Variants in PTAFR observed in about 807,000 individuals in gnomAD.
The protein encoded by PTAFR is platelet activating factor receptor, also known as platelet-activating factor receptor.
PTAFR carries 8 observed loss-of-function variants against 14.7 expected under a neutral mutation model. The ratio of observed to expected loss-of-function variants is 0.54; its 90% confidence interval spans 0.32 to 0.98. The LOEUF (loss-of-function observed/expected upper bound fraction) is 0.98, where lower values mean the gene tolerates loss of function less well. Among genes scored for constraint, PTAFR ranks in the 50% least tolerant of loss-of-function variants. The pLI is 0.04. For missense variants in PTAFR, 337 were observed against 451.2 expected (o/e 0.75, Z 2.29); for synonymous variants, 156 against 176.5 (o/e 0.88, Z 0.92).
chr1:28,175,805 T>G (rs1429305480), intron 1 of PTAFR, among the ~76,000 whole-genome samples: 2 of 152,156 alleles, frequency 1.3e-5, no homozygotes, highest in East Asian at 3.8e-4. Context: ...CCGACAATTC[T>G]GTGGGGGAGA....
At chr1:28,190,918 G>A (rs1034436577) in intron 1 of PTAFR, among the ~76,000 whole-genome samples, 2 of 152,036 alleles carry the variant, frequency 1.3e-5, no homozygotes, top group Admixed American at 6.6e-5. Context: ...CAAGTCCCTG[G>A]GCCTCCCTGA....
chr1:28,174,411 T>C (rs911254154), intron 1 of PTAFR, among the ~76,000 whole-genome samples: 2 of 152,074 alleles, frequency 1.3e-5, no homozygotes, highest in African/African-American at 4.8e-5. Context: ...CTCTGCTCCC[T>C]GTAAAAGGAC....
At chr1:28,169,265 A>G (rs530900473) in intron 1 of PTAFR, among the ~76,000 whole-genome samples, 2 of 151,984 alleles carry the variant, frequency 1.3e-5, no homozygotes, top group South Asian at 4.2e-4. Flanking sequence ...ATGCTAAGAG[A>G]GTAAATTTAT....
At chr1:28,180,252 C>T (rs553008592), upstream of PTAFR, among the ~76,000 whole-genome samples, 26 of 152,092 alleles carry the variant, frequency 1.7e-4, no homozygotes, top group Non-Finnish European at 3.7e-4. Context: ...TGGTGGCTCA[C>T]GCCTGTAATC....
At chr1:28,174,553 C>T (rs1646491758) in intron 1 of PTAFR, among the ~76,000 whole-genome samples, 1 of 152,174 alleles carries the variant, frequency 6.6e-6, no homozygotes, top group South Asian at 2.1e-4. Context: ...GATGGGGAAA[C>T]TGAGGCCCGG....
intron 1 of PTAFR, among the ~76,000 whole-genome samples, chr1:28,175,247 G>T (rs17162979): frequency 0.021 from 3,196 of 152,128 alleles, 112 homozygotes; most frequent in African/African-American, 0.072. Context: ...AATCTGCAAA[G>T]GAGGAAAGTG....
chr1:28,164,772 C>T (rs1646363549), intron 1 of PTAFR, among the ~76,000 whole-genome samples: 3 of 152,234 alleles, frequency 2.0e-5, no homozygotes, highest in African/African-American at 4.8e-5. Flanking sequence ...TGTCCACTCA[C>T]AGACCTGTCT....
upstream of PTAFR, chr1:28,176,961 G>A (rs1011774756): frequency 1.3e-5 from 2 of 152,516 alleles, no homozygotes; most frequent in Non-Finnish European, 2.9e-5. Context: ...AAAGAGGAGG[G>A]AGGAGAGATG....
chr1:28,152,317 T>C (rs892306112), intron 1 of PTAFR, among the ~76,000 whole-genome samples: 2 of 151,930 alleles, frequency 1.3e-5, no homozygotes, highest in African/African-American at 4.8e-5. Flanking sequence ...AATATAACTG[T>C]CTGCCCAGGC....
rs1463860219 is a variant in PTAFR at position 28,192,579 on chromosome 1, GATA to G, written c.-39+1140_-39+1142del. On this transcript the variant is annotated intron_variant, in intron 1 of 1. Transcript: ENST00000305392. ...GTCTCAAAAAAAAAAAAAAAAAAAAGATAATGTTTGTAAAAGCCTTGGTGTTTG... is the reference window on the plus strand; with the variant it reads ...GTCTCAAAAAAAAAAAAAAAAAAAAGATGTTTGTAAAAGCCTTGGTGTTTG... Among the ~76,000 whole-genome samples, 7 of 144,418 alleles carry G rather than the reference GATA, an allele frequency of 4.8e-5. No individual in the cohort carries two copies. The East Asian group carries it at 1.2e-3, about 25-fold the overall frequency. 94.7% of individuals were successfully genotyped at this position (144,418 alleles called of 152,430 possible). A position where few individuals can be genotyped will look rare whatever the true frequency, so the allele number is the denominator to read the frequency against.
chr1:28,152,517 T>C (rs1463486231), intron 1 of PTAFR, among the ~76,000 whole-genome samples: 6 of 151,806 alleles, frequency 4.0e-5, no homozygotes, highest in African/African-American at 1.5e-4. Context: ...CTGAGGTGGG[T>C]GGATCTCCTG....
At chr1:28,155,919 C>T (rs1465556597) in intron 1 of PTAFR, among the ~76,000 whole-genome samples, 1 of 151,972 alleles carries the variant, frequency 6.6e-6, no homozygotes, top group African/African-American at 2.4e-5. Context: ...TTCTACATCA[C>T]AACGAACCTT....
intron 1 of PTAFR, among the ~76,000 whole-genome samples, chr1:28,162,842 A>G (rs1646339624): frequency 6.6e-6 from 1 of 151,126 alleles, no homozygotes; most frequent in Non-Finnish European, 1.5e-5. Context: ...AAAAAAAAAA[A>G]AAAAAAAAAA....
At chr1:28,190,665 A>G (rs1646644712) in intron 1 of PTAFR, among the ~76,000 whole-genome samples, 1 of 152,156 alleles carries the variant, frequency 6.6e-6, no homozygotes, top group African/African-American at 2.4e-5. Flanking sequence ...ATAACAGAAT[A>G]GAGAAAGAGT....
At chr1:28,162,301 C>T (rs1038169245) in intron 1 of PTAFR, among the ~76,000 whole-genome samples, 3 of 152,152 alleles carry the variant, frequency 2.0e-5, no homozygotes, top group African/African-American at 4.8e-5. Context: ...CCCCTGTACT[C>T]AGGGAGCTTG....
intron 1 of PTAFR, among the ~76,000 whole-genome samples, chr1:28,171,144 G>A (rs900542762): frequency 6.6e-6 from 1 of 151,800 alleles, no homozygotes; most frequent in African/African-American, 2.4e-5. Context: ...CCAACATGAC[G>A]AAACCCCATA....
At chr1:28,182,049 A>G (rs1424062611) in intron 1 of PTAFR, among the ~76,000 whole-genome samples, 1 of 151,634 alleles carries the variant, frequency 6.6e-6, no homozygotes. Context: ...AAAAGAAAGA[A>G]ATTGGGCCAG....
chr1:28,149,968 A>T lies in PTAFR; in HGVS notation c.*25T>A. 8.2e-6 allele frequency: 13 copies of T among 1,591,840 alleles called. No homozygotes were observed. Among genetic ancestry groups the T allele is most frequent in the Non-Finnish European group, 1.1e-5 (13 of 1,168,078 alleles). On this transcript the variant is annotated 3_prime_UTR_variant, in exon 2 of 2. Coordinates refer to ENST00000373857, the MANE Select transcript of PTAFR (RefSeq NM_000952.5). ...TCAGTCCATGATGTTCATGGAGGAG[A>T]AGACTTCAGGCCTGGAAGCAGGGAC...
chr1:28,182,631 G>A (rs996741787), intron 1 of PTAFR, among the ~76,000 whole-genome samples: 1 of 151,906 alleles, frequency 6.6e-6, no homozygotes, highest in African/African-American at 2.4e-5. Context: ...TGTTGAAGCT[G>A]GCTAAGGGTA....
Sources: gnomAD v4.1 joint callset for allele counts (sites outside exome capture counted in the v4.1 genomes callset) on GRCh38, gnomAD v4.1.1 for gene constraint, MANE v1.5 for transcripts, NCBI Gene and HGNC (gene_info 2026-07-23, HGNC 2026-07-21) for gene names.